The following GRID2 variants were observed in gnomAD, a reference collection of about 807,000 sequenced individuals.
The protein encoded by GRID2 is glutamate ionotropic receptor delta type subunit 2.
A neutral mutation model predicts 114.8 loss-of-function variants in GRID2; 33 were observed. The ratio of observed to expected loss-of-function variants is 0.29; its 90% CI spans 0.22 to 0.38. GRID2 has a LOEUF of 0.38. GRID2 is among the 10% of genes least tolerant of loss of function. The pLI is 1.00. For missense variants in GRID2, 1,184 were observed against 1,257.7 expected (o/e 0.94, Z 0.89); for synonymous variants, 505 against 449.9 (o/e 1.12, Z -1.55).
intron 3 of GRID2, among the ~76,000 whole-genome samples, chr4:93,107,789 C>T (rs1167187097): frequency 6.6e-6 from 1 of 152,110 alleles, no homozygotes; most frequent in African/African-American, 2.4e-5. Flanking sequence ...CCAGCACGCC[C>T]AGCCCCAATT....
intron 8 of GRID2, among the ~76,000 whole-genome samples, chr4:93,332,956 C>T (rs1386823459): frequency 1.3e-5 from 2 of 152,108 alleles, no homozygotes; most frequent in Non-Finnish European, 2.9e-5. Flanking sequence ...ATAGCAATTT[C>T]TCCAACCATA....
intron 14 of GRID2, among the ~76,000 whole-genome samples, chr4:93,765,627 T>C (rs897663568): frequency 4.0e-5 from 6 of 148,910 alleles, no homozygotes; most frequent in Non-Finnish European, 5.9e-5. Flanking sequence ...TATATATATA[T>C]ATATATGAGG....
At chr4:92,332,783 G>A (rs1404194815) in intron 1 of GRID2, among the ~76,000 whole-genome samples, 1 of 152,166 alleles carries the variant, frequency 6.6e-6, no homozygotes, top group Non-Finnish European at 1.5e-5. Flanking sequence ...TCCCATGTGA[G>A]TCCAAAACCC....
intron 2 of GRID2, among the ~76,000 whole-genome samples, chr4:92,694,497 G>A (rs1430832399): frequency 1.3e-5 from 2 of 152,182 alleles, no homozygotes; most frequent in African/African-American, 2.4e-5. Context: ...TCTCCAGTCT[G>A]TGTCCTCAAC....
At chr4:93,754,197 G>C (rs2110291849) in intron 14 of GRID2, among the ~76,000 whole-genome samples, 1 of 152,278 alleles carries the variant, frequency 6.6e-6, no homozygotes, top group Admixed American at 6.5e-5. Flanking sequence ...TATATGGTCT[G>C]TCAGTGACCA....
rs1479649639 is a variant in GRID2 at position 93,772,167 on chromosome 4, C to T, written c.2693C>T (p.Ser898Leu). 7 of 1,613,100 alleles carry T rather than the reference C, an allele frequency of 4.3e-6. No homozygotes were observed. Among genetic ancestry groups the T allele is most frequent in the Non-Finnish European group, 5.9e-6 (7 of 1,179,112 alleles). ...AGCCCCCATAAACAGTTTTCCACCT[C>T]GTCAATTGATTTGACCCCTCTGGAC... is the stretch of plus-strand genomic sequence containing the variant. ...DDSPHKQFSTSSIDLTPLDID... is the reference protein window; with the variant it reads ...DDSPHKQFSTLSIDLTPLDID... The change falls in exon 16 of 16, where the codon TCG becomes TTG. Residue 898 changes from serine to leucine, a missense_variant. This residue lies in a region of GRID2 where 717 missense variants were observed against 796.9 expected (regional missense o/e 0.90). Transcript: ENST00000282020.
intron 2 of GRID2, among the ~76,000 whole-genome samples, chr4:92,968,238 A>T (rs1293125100): frequency 6.6e-6 from 1 of 151,894 alleles, no homozygotes; most frequent in Non-Finnish European, 1.5e-5. Flanking sequence ...GGTAGATACA[A>T]TCTCCATTTT....
At chr4:92,386,840 G>T (rs916290567) in intron 1 of GRID2, among the ~76,000 whole-genome samples, 1 of 151,762 alleles carries the variant, frequency 6.6e-6, no homozygotes, top group Non-Finnish European at 1.5e-5. Context: ...TGCTATGGAG[G>T]ATTAGAAAGC....
chr4:93,597,596 C>A (rs1249345532), intron 13 of GRID2, among the ~76,000 whole-genome samples: 1 of 152,184 alleles, frequency 6.6e-6, no homozygotes, highest in African/African-American at 2.4e-5. Context: ...TCAGAACCAT[C>A]CCTGTCCCTA....
intron 1 of GRID2, among the ~76,000 whole-genome samples, chr4:92,315,547 GA>G (rs1358655660): frequency 2.0e-5 from 3 of 152,118 alleles, no homozygotes; most frequent in Non-Finnish European, 2.9e-5. Context: ...AAGTTGGAAT[GA>G]ACCCCTAAAA....
chr4:93,079,474 T>G (rs986655656), intron 2 of GRID2, among the ~76,000 whole-genome samples: 1 of 151,942 alleles, frequency 6.6e-6, no homozygotes, highest in Non-Finnish European at 1.5e-5. Flanking sequence ...ACCCTCCTAA[T>G]TTTTCATATG....
At chr4:93,276,289 A>G (rs1457310635) in intron 8 of GRID2, among the ~76,000 whole-genome samples, 4 of 151,974 alleles carry the variant, frequency 2.6e-5, no homozygotes, top group African/African-American at 9.7e-5. Context: ...CTGAACTCTT[A>G]ATTCAATTTC....
chr4:93,363,018 G>A (rs573451851), intron 8 of GRID2, among the ~76,000 whole-genome samples: 8 of 152,194 alleles, frequency 5.3e-5, no homozygotes, highest in Middle Eastern at 3.4e-3. Context: ...CCAGGAGTTC[G>A]GGATCAGCCT....
intron 13 of GRID2, among the ~76,000 whole-genome samples, chr4:93,622,507 A>G (rs995652530): frequency 3.3e-5 from 5 of 152,346 alleles, no homozygotes; most frequent in Admixed American, 2.0e-4. Flanking sequence ...TTCTAACACA[A>G]AAATCCCCTA....
chr4:92,883,539 G>A (rs1183810604), intron 2 of GRID2, among the ~76,000 whole-genome samples: 67 of 152,154 alleles, frequency 4.4e-4, no homozygotes, highest in Non-Finnish European at 7.4e-5. Flanking sequence ...AGGAATCACT[G>A]TCTATGGTAG....
At chr4:93,080,337 C>A (rs1183966097) in intron 2 of GRID2, among the ~76,000 whole-genome samples, 2 of 151,946 alleles carry the variant, frequency 1.3e-5, no homozygotes, top group African/African-American at 2.4e-5. Flanking sequence ...GTTCCACTGC[C>A]CAGTTATGGT....
intron 14 of GRID2, among the ~76,000 whole-genome samples, chr4:93,702,070 G>A (rs1414832362): frequency 6.6e-6 from 1 of 152,040 alleles, no homozygotes; most frequent in Non-Finnish European, 1.5e-5. Flanking sequence ...TTGGTTTGGT[G>A]ATGCTTGATT....
intron 6 of GRID2, among the ~76,000 whole-genome samples, chr4:93,220,495 T>A (rs1190201480): frequency 6.6e-6 from 1 of 152,164 alleles, no homozygotes; most frequent in Non-Finnish European, 1.5e-5. Flanking sequence ...TTAAAAGTTA[T>A]AACATTTGTG....
chr4:92,663,515 T>C (rs1006962936), intron 2 of GRID2, among the ~76,000 whole-genome samples: 5 of 151,302 alleles, frequency 3.3e-5, no homozygotes, highest in African/African-American at 9.7e-5. Context: ...ATTAGTTGTC[T>C]AGTATACAGA....
Sources: allele counts gnomAD v4.1 joint callset (sites outside exome capture counted in the v4.1 genomes callset), GRCh38; gene constraint gnomAD v4.1.1; regional missense constraint gnomAD v4.1.1; transcripts MANE v1.5; gene names NCBI Gene and HGNC (gene_info 2026-07-23, HGNC 2026-07-21).